The following FAM167A variants were observed in gnomAD, a reference collection of about 807,000 sequenced individuals.
The protein encoded by FAM167A is family with sequence similarity 167 member A.
A neutral mutation model predicts 14.9 loss-of-function variants in FAM167A; 23 were observed. That is an observed-to-expected ratio of 1.55 (90% CI 1.11 to 2.19). The LOEUF (loss-of-function observed/expected upper bound fraction) is 2.19. FAM167A is among the 30% of genes most tolerant of loss of function. The pLI is 0.00. For missense variants in FAM167A, 401 were observed against 281.5 expected, an observed-to-expected ratio of 1.42 and a Z score of -3.04; for synonymous variants, 174 against 117.7, an observed-to-expected ratio of 1.48 and a Z score of -3.10.
Position 11,424,506 on chromosome 8 carries a change from A to C in FAM167A, c.512T>G (p.Leu171Arg), listed in dbSNP as rs1352200476. 6.2e-7 allele frequency: 1 copy of C among 1,614,024 alleles called. No individual in the cohort carries two copies. Among genetic ancestry groups the C allele is most frequent in the African/African-American group, 1.3e-5 (1 of 74,938 alleles). The change falls in exon 3 of 3, where the codon CTG becomes CGG. Residue 171 changes from leucine (L) to arginine (R), a missense_variant. Leu to Arg is a moderately radical substitution (Grantham distance 102). Transcript: ENST00000284486. ...RRMLNDATYE[L>R]EERDELADLF... ...GTCGGCCAGCTCATCCCGCTCCTCC[A>C]GCTCGTAGGTGGCATCGTTGAGCAT...
At chr8:11,475,272 A>G (rs1797838368) in intron 1 of FAM167A, among the ~76,000 whole-genome samples, 1 of 152,188 alleles carries the variant, frequency 6.6e-6, no homozygotes, top group Admixed American at 6.5e-5. Context: ...CGGTTTCCCT[A>G]TGGGCCTCTC....
At chr8:11,429,243 A>G (rs1406966469) in intron 2 of FAM167A, among the ~76,000 whole-genome samples, 53 of 152,224 alleles carry the variant, frequency 3.5e-4, no homozygotes. Context: ...AATTTCACTT[A>G]GCATAATGTC....
rs891306026 is a variant in FAM167A, at chr8:11,421,787, T to TA, written c.*2585dup. The TA allele has an allele frequency of 7.5e-6, 3 of 398,786 alleles. No homozygotes were observed. Among genetic ancestry groups the TA allele is most frequent in the African/African-American group, 6.2e-5 (3 of 48,622 alleles). The allele number at this position is 398,786 out of a possible 1,614,324, so 24.7% of individuals were successfully genotyped here. On this transcript the variant is annotated 3_prime_UTR_variant, in exon 3 of 3. Coordinates refer to ENST00000284486, the MANE Select transcript of FAM167A (RefSeq NM_053279.3). ...TGGGGATGGCAGAGAGATGGATGGATAATGAGTACAACTGCAAACAGCACT... is the reference window on the plus strand; with the variant it reads ...TGGGGATGGCAGAGAGATGGATGGATAAATGAGTACAACTGCAAACAGCACT...
chr8:11,441,389 G>A (rs1051645201), intron 2 of FAM167A, among the ~76,000 whole-genome samples: 9 of 152,300 alleles, frequency 5.9e-5, no homozygotes, highest in Admixed American at 3.3e-4. Context: ...TTGGAAATTC[G>A]AAAGCACAAG....
intron 2 of FAM167A, among the ~76,000 whole-genome samples, chr8:11,431,407 C>G (rs1020021589): frequency 6.6e-6 from 1 of 152,142 alleles, no homozygotes; most frequent in Non-Finnish European, 1.5e-5. Context: ...GGGGAGTTAG[C>G]GTTTAGTGAG....
chr8:11,436,241 C>T (rs1285310172), intron 2 of FAM167A, among the ~76,000 whole-genome samples: 1 of 152,322 alleles, frequency 6.6e-6, no homozygotes, highest in East Asian at 1.9e-4. Context: ...GGGACCCTCC[C>T]ACTCAGGGGT....
intron 2 of FAM167A, among the ~76,000 whole-genome samples, chr8:11,436,803 G>A (rs1040719472): frequency 1.2e-4 from 19 of 152,350 alleles, no homozygotes; most frequent in Admixed American, 1.0e-3. Context: ...TTTGGAAACA[G>A]ATGTAGCGGG....
chr8:11,471,047 G>T (rs1278809560), upstream of FAM167A, among the ~76,000 whole-genome samples: 1 of 152,186 alleles, frequency 6.6e-6, no homozygotes. Flanking sequence ...TGTGGCGCAC[G>T]TGGCTTTTTG....
chr8:11,473,838 T>G (rs1563399430), intron 1 of FAM167A, among the ~76,000 whole-genome samples: 1 of 151,984 alleles, frequency 6.6e-6, no homozygotes, highest in Non-Finnish European at 1.5e-5. Context: ...GGAATGGTGG[T>G]TTTTTTGTTT....
chr8:11,438,610 AAAG>A (rs1806214720), intron 2 of FAM167A: 2 of 426,140 alleles, frequency 4.7e-6, no homozygotes, highest in East Asian at 7.0e-5. Context: ...AAAAAAGTCA[AAAG>A]AATAATATTA....
chr8:11,428,918 A>G (rs1322908025), intron 2 of FAM167A, among the ~76,000 whole-genome samples: 1 of 152,230 alleles, frequency 6.6e-6, no homozygotes, highest in Admixed American at 6.5e-5. Flanking sequence ...AAAATGTGCA[A>G]GAATAAGAGG....
chr8:11,424,325 C>A lies in FAM167A; in HGVS notation c.*48G>T. ...GGCCTCAGCTTCCTCTGACACCCCT[C>A]CAGCCCAAGCCCTCCGCTCCAGCCC... On this transcript the variant is annotated 3_prime_UTR_variant, in exon 3 of 3. Coordinates refer to ENST00000284486, the MANE Select transcript of FAM167A (RefSeq NM_053279.3). 1 of 1,604,126 alleles carries A rather than the reference C, an allele frequency of 6.2e-7. No homozygotes were observed. The highest frequency in any genetic ancestry group is 2.2e-5 in the East Asian group (1 of 44,654).
At chr8:11,470,479 G>T (rs1454933862), upstream of FAM167A, among the ~76,000 whole-genome samples, 1 of 152,198 alleles carries the variant, frequency 6.6e-6, no homozygotes, top group Admixed American at 6.5e-5. Context: ...AGGTGCTGCG[G>T]CAGAGCCCTT....
upstream of FAM167A, among the ~76,000 whole-genome samples, chr8:11,471,853 T>G (rs1585290493): frequency 2.0e-5 from 3 of 152,110 alleles, no homozygotes; most frequent in African/African-American, 7.2e-5. Context: ...GGGGTTTGGA[T>G]GAAGGCTGCG....
chr8:11,466,431 C>T (rs1371769322), intron 1 of FAM167A, among the ~76,000 whole-genome samples, 195 bp downstream of exon 1: 1 of 146,796 alleles, frequency 6.8e-6, no homozygotes, highest in Non-Finnish European at 1.5e-5. Flanking sequence ...AGCGAACCCG[C>T]GGGAGCGCAT....
chr8:11,460,293 C>A (rs1807488418), intron 1 of FAM167A, among the ~76,000 whole-genome samples: 1 of 152,208 alleles, frequency 6.6e-6, no homozygotes, highest in South Asian at 2.1e-4. Flanking sequence ...TTGGACAGAG[C>A]CAGCCTGGTG....
rs1421913844 is a variant in FAM167A at position 11,466,455 on chromosome 8, C to CG, written c.-398+170dup. ...GCGGGAGCGCATGAGCGGCCTCTCC[C>CG]GGGGGGGCGGTAGGAGCGCGTCCCC... On this transcript the variant is annotated intron_variant, in intron 1 of 2. Transcript: ENST00000284486. Among the ~76,000 whole-genome samples the CG allele has an allele frequency of 1.0e-4, 15 of 146,882 alleles. No individual in the cohort carries two copies. In the South Asian group the frequency reaches 1.4e-3, roughly 13 times the overall value.
intron 1 of FAM167A, among the ~76,000 whole-genome samples, chr8:11,462,497 G>A (rs1013148593): frequency 2.0e-5 from 3 of 152,158 alleles, no homozygotes; most frequent in Non-Finnish European, 4.4e-5. Context: ...TTGGTCCATC[G>A]AATTGGGAAA....
intron 1 of FAM167A, among the ~76,000 whole-genome samples, chr8:11,446,089 G>A (rs1041793300): frequency 6.6e-6 from 1 of 152,052 alleles, no homozygotes; most frequent in South Asian, 2.1e-4. Context: ...GGGGAACTGG[G>A]CAGAAGGGAG....
Sources: gnomAD v4.1 joint callset for allele counts (sites outside exome capture counted in the v4.1 genomes callset) on GRCh38, gnomAD v4.1.1 for gene constraint, MANE v1.5 for transcripts, NCBI Gene and HGNC (gene_info 2026-07-23, HGNC 2026-07-21) for gene names.